VAV2: variants seen among roughly 807,000 people sequenced by gnomAD.
The protein encoded by VAV2 is guanine nucleotide exchange factor VAV2.
A neutral mutation model predicts 132.5 loss-of-function variants in VAV2; 67 were observed. The ratio of observed to expected loss-of-function variants is 0.51; its 90% confidence interval spans 0.42 to 0.62. The LOEUF is 0.62. VAV2 is among the 20% of genes least tolerant of loss of function. The pLI is 0.00. For missense variants in VAV2, 938 were observed against 1,153.6 expected (o/e 0.81, Z 2.71); for synonymous variants, 492 against 443.5 (o/e 1.11, Z -1.37).
rs112016842 is a variant in VAV2, at chr9:133,827,557, C to T, written c.449+6715G>A. Among the ~76,000 whole-genome samples the T allele has an allele frequency of 1.7e-3, 48 of 27,568 alleles. 4 individuals carry two copies. Among genetic ancestry groups the T allele is most frequent in the Non-Finnish European group, 4.1e-3 (36 of 8,780 alleles). 18.1% of individuals were successfully genotyped at this position (27,568 alleles called of 152,430 possible). On this transcript the variant is annotated intron_variant, in intron 4 of 29. Transcript: ENST00000371850. ...ACTGAGCACGGGCATCGCCAGCTACCGCTGCGCCCACTGGGGCTGACCACT... is the reference window on the plus strand; with the variant it reads ...ACTGAGCACGGGCATCGCCAGCTACTGCTGCGCCCACTGGGGCTGACCACT...
intron 2 of VAV2, 86 bp from the exon 3 acceptor site, chr9:133,861,518 G>T: frequency 6.9e-7 from 1 of 1,456,630 alleles, no homozygotes; most frequent in Non-Finnish European, 9.4e-7. Context: ...TTTGCAGGAC[G>T]TCGAGAACTG....
At chr9:133,861,496 T>C in intron 2 of VAV2, 64 bp from the exon 3 acceptor site, 1 of 1,578,408 alleles carries the variant, frequency 6.3e-7, no homozygotes. Context: ...ATCACAGAAC[T>C]GGGGACGCTG....
At position 133,884,083 on chromosome 9, in the gene VAV2, C is replaced by A. The variant is rs989676756; in HGVS notation, c.322-22651G>T. ...CCGGGAGGCGGAGGTTGCAGCGAGG[C>A]GGAGGTTGCAGTGAGCTGAGATTGC... On this transcript the variant is annotated intron_variant, in intron 2 of 29. Transcript: ENST00000371850. This position sits in a 1 kb window ranked among gnomAD's most constrained non-coding sequence, Gnocchi z 5.3. Among the ~76,000 whole-genome samples, 7 of 150,976 alleles carry A rather than the reference C, an allele frequency of 4.6e-5. No homozygotes were observed. Among genetic ancestry groups the A allele is most frequent in the Non-Finnish European group, 1.5e-5 (1 of 67,954 alleles).
Position 133,991,899 on chromosome 9 carries a change from G to C in VAV2, c.204+176C>G, listed in dbSNP as rs1373173823. ...GACTTTGGCCAACTTCGCGCCTCCT[G>C]AGGTCGCGTCTCGGAGGCCCGGGGC... On this transcript the variant is annotated intron_variant, in intron 1 of 29. Transcript: ENST00000371850. The surrounding 1 kb of genome is among the most constrained non-coding windows in gnomAD (Gnocchi z 4.8). 1.3e-5 allele frequency among the ~76,000 whole-genome samples: 2 copies of C among 150,786 alleles called. No homozygotes were observed. Among genetic ancestry groups the C allele is most frequent in the Non-Finnish European group, 3.0e-5 (2 of 67,578 alleles).
intron 2 of VAV2, among the ~76,000 whole-genome samples, chr9:133,911,991 G>A (rs1348203914): frequency 6.6e-6 from 1 of 152,170 alleles, no homozygotes; most frequent in Non-Finnish European, 1.5e-5. Flanking sequence ...TGTTCCATAG[G>A]TAAACGTGTG....
At chr9:133,964,906 T>A (rs1473810649) in intron 1 of VAV2, among the ~76,000 whole-genome samples, 1 of 152,074 alleles carries the variant, frequency 6.6e-6, no homozygotes, top group Non-Finnish European at 1.5e-5. Context: ...CTCTAAGAAC[T>A]GGAACAAAAT....
intron 29 of VAV2, among the ~76,000 whole-genome samples, chr9:133,764,340 T>G (rs1416099911): frequency 6.6e-6 from 1 of 151,706 alleles, no homozygotes; most frequent in Non-Finnish European, 1.5e-5. Flanking sequence ...CAGCTGCCAG[T>G]CAGAAAAAAA....
intron 3 of VAV2, among the ~76,000 whole-genome samples, chr9:133,852,275 A>C (rs1009508941): frequency 1.3e-5 from 2 of 151,912 alleles, no homozygotes; most frequent in African/African-American, 4.8e-5. Context: ...GATGGGTGGA[A>C]GGATGAAAGA....
intron 2 of VAV2, among the ~76,000 whole-genome samples, chr9:133,904,276 G>A (rs1001627340): frequency 2.6e-5 from 4 of 152,220 alleles, no homozygotes; most frequent in South Asian, 2.1e-4. Flanking sequence ...GAGAACTGAA[G>A]AGCAAATGCT....
chr9:133,956,907 G>A lies in VAV2; in HGVS notation c.205-17688C>T, dbSNP rs74649176. ...AACCCGGCCGTCCTCAAGCAGGAAA[G>A]CTGGGCCAGAGCTGGTACTTCAGCA... On this transcript the variant is annotated intron_variant, in intron 1 of 29. Coordinates refer to ENST00000371850, the MANE Select transcript of VAV2 (RefSeq NM_001134398.2). 1.9e-3 allele frequency among the ~76,000 whole-genome samples: 290 copies of A among 152,342 alleles called. 1 individual carries two copies. Among genetic ancestry groups the A allele is most frequent in the East Asian group, 0.016 (81 of 5,186 alleles).
Position 133,769,017 on chromosome 9 carries a change from G to A in VAV2, c.2434+400C>T, listed in dbSNP as rs369682200. ...GGAAGGGACTTTGACTCTGGCAGCC[G>A]AAAGCCATGAGGTCAAGGCTGACTG... On this transcript the variant is annotated intron_variant, in intron 28 of 29. Transcript: ENST00000371850. The surrounding 1 kb of genome is among the most constrained non-coding windows in gnomAD (Gnocchi z 8.1). Among the ~76,000 whole-genome samples, 312 of 152,284 alleles carry A rather than the reference G, an allele frequency of 2.0e-3. 2 individuals are homozygous for A. Among genetic ancestry groups the A allele is most frequent in the African/African-American group, 7.1e-3 (297 of 41,558 alleles).
intron 1 of VAV2, among the ~76,000 whole-genome samples, chr9:133,950,327 C>T (rs539793886): frequency 2.6e-5 from 4 of 152,240 alleles, no homozygotes; most frequent in Non-Finnish European, 5.9e-5. Flanking sequence ...TCCTATTCAA[C>T]TCTGCACCCG....
Position 133,908,584 on chromosome 9 carries a change from A to G in VAV2, c.321+30519T>C, listed in dbSNP as rs116137339. On this transcript the variant is annotated intron_variant, in intron 2 of 29. Coordinates refer to ENST00000371850, the MANE Select transcript of VAV2 (RefSeq NM_001134398.2). Reference sequence around the variant, plus strand: ...CCCCACAGCACCACCTGGTACACAAAGGCACCCTGCACCAAGCCCAGAGCT... The same window carrying G: ...CCCCACAGCACCACCTGGTACACAAGGGCACCCTGCACCAAGCCCAGAGCT... Among the ~76,000 whole-genome samples, 1,195 of 151,964 alleles carry G rather than the reference A, an allele frequency of 7.9e-3. 19 individuals carry two copies. Among genetic ancestry groups the G allele is most frequent in the African/African-American group, 0.027 (1,119 of 41,466 alleles).
Position 133,788,013 on chromosome 9 carries a change from T to C in VAV2, c.1407+341A>G, listed in dbSNP as rs1462601087. Among the ~76,000 whole-genome samples, 1 of 152,192 alleles carries C rather than the reference T, an allele frequency of 6.6e-6. No individual in the cohort carries two copies. The highest frequency in any genetic ancestry group is 1.5e-5 in the Non-Finnish European group (1 of 68,020). On this transcript the variant is annotated intron_variant, in intron 15 of 29. Transcript: ENST00000371850. The surrounding 1 kb of genome is among the most constrained non-coding windows in gnomAD (Gnocchi z 5.3). ...ATGGGCTAGAGTCAGGCTGGCCAGATGGAAAGCCAAGGTTGAAAGTCCCAC... is the reference window on the plus strand; with the variant it reads ...ATGGGCTAGAGTCAGGCTGGCCAGACGGAAAGCCAAGGTTGAAAGTCCCAC...
intron 2 of VAV2, among the ~76,000 whole-genome samples, chr9:133,909,777 G>A (rs1314276975): frequency 6.6e-6 from 1 of 152,188 alleles, no homozygotes. Flanking sequence ...CTGCGCCTGA[G>A]GATTGTATTA....
intron 6 of VAV2, 65 bp downstream of exon 6, chr9:133,810,126 T>C (rs1835303775): frequency 6.2e-7 from 1 of 1,609,036 alleles, no homozygotes; most frequent in East Asian, 2.2e-5. Context: ...GTCTGAGACC[T>C]CCCTGAAAGG....
intron 2 of VAV2, among the ~76,000 whole-genome samples, chr9:133,920,836 C>A (rs570565502): frequency 5.1e-4 from 78 of 152,286 alleles, no homozygotes; most frequent in Non-Finnish European, 5.6e-4. Context: ...CAACTGAGGT[C>A]CCTGAAGGTC....
intron 1 of VAV2, among the ~76,000 whole-genome samples, chr9:133,940,320 C>T (rs1841091835): frequency 6.6e-6 from 1 of 152,292 alleles, no homozygotes; most frequent in Admixed American, 6.5e-5. Flanking sequence ...CCAGGATTGT[C>T]ATCCTCATCA....
intron 4 of VAV2, among the ~76,000 whole-genome samples, chr9:133,828,868 A>AT (rs1836154681): frequency 6.6e-6 from 1 of 152,194 alleles, no homozygotes; most frequent in Admixed American, 6.5e-5. Flanking sequence ...TCCTGCTGGG[A>AT]TAGTGCCCCG....
Sources: gnomAD v4.1 joint callset for allele counts (sites outside exome capture counted in the v4.1 genomes callset) on GRCh38, gnomAD v4.1.1 for gene constraint, Gnocchi (gnomAD v3.1) non-coding constraint, MANE v1.5 for transcripts, NCBI Gene and HGNC (gene_info 2026-07-23, HGNC 2026-07-21) for gene names.